Variants in METTL8 observed in about 807,000 individuals in gnomAD.
METTL8 encodes the protein methyltransferase 8, tRNA N3-cytidine, also known as tRNA N(3)-cytidine methyltransferase METTL8, mitochondrial.
Under a neutral mutation model 48.7 loss-of-function variants are expected in METTL8, and 32 were observed. The ratio of observed to expected loss-of-function variants is 0.66; its 90% CI spans 0.50 to 0.88. METTL8 has a LOEUF of 0.88. METTL8 is among the 40% of genes least tolerant of loss of function. METTL8 has a pLI of 0.00. For missense variants in METTL8, 464 were observed against 474.4 expected (o/e 0.98, Z 0.20); for synonymous variants, 136 against 157.1 (o/e 0.87, Z 1.01).
intron 1 of METTL8, among the ~76,000 whole-genome samples, chr2:171,394,614 A>G (rs1160667430): frequency 6.6e-6 from 1 of 152,240 alleles, no homozygotes. Context: ...AATTAACCAC[A>G]CAAACATCTT....
intron 2 of METTL8, among the ~76,000 whole-genome samples, chr2:171,379,696 A>G: frequency 6.6e-6 from 1 of 152,210 alleles, no homozygotes; most frequent in East Asian, 1.9e-4. Flanking sequence ...CCCAACACTC[A>G]ACCAGGAAGA....
intron 3 of METTL8, among the ~76,000 whole-genome samples, chr2:171,348,496 A>C (rs1157830189): frequency 6.6e-6 from 1 of 152,168 alleles, no homozygotes; most frequent in Non-Finnish European, 1.5e-5. Context: ...TCTAACGGTT[A>C]CACTGATGTT....
intron 1 of METTL8, among the ~76,000 whole-genome samples, chr2:171,413,692 A>C (rs1690983728): frequency 6.6e-6 from 1 of 152,228 alleles, no homozygotes; most frequent in Non-Finnish European, 1.5e-5. Context: ...ATAATTTTTT[A>C]GTGTCTAGAG....
chr2:171,431,530 T>A (rs1247597685), intron 1 of METTL8, among the ~76,000 whole-genome samples: 4 of 152,224 alleles, frequency 2.6e-5, no homozygotes, highest in Non-Finnish European at 5.9e-5. Context: ...AAATCCTGCA[T>A]CAAGAGCTGT....
intron 2 of METTL8, 77 bp from the exon 3 acceptor site, chr2:171,360,590 T>G: frequency 1.6e-6 from 2 of 1,240,628 alleles, no homozygotes; most frequent in South Asian, 2.6e-5. Context: ...GAACCACATC[T>G]TTCATTCTAG....
In METTL8 at chr2:171,366,123, C is replaced by T. The variant is rs151278407; in HGVS notation, c.144-5610G>A. Among the ~76,000 whole-genome samples, 110 of 152,050 alleles carry T rather than the reference C, an allele frequency of 7.2e-4. No individual in the cohort carries two copies. The East Asian group carries it at 0.018, about 25-fold the overall frequency. On this transcript the variant is annotated intron_variant, in intron 2 of 9. Transcript: ENST00000375258. ...CTAGCTGCTCATCTACAGGCAGAGT[C>T]GCCACAGGATCTAGTAGAAGAGAGA...
At chr2:171,324,981 T>TCAGCTACTTGGGAGGCTGTAATCC (rs201576956) in intron 9 of METTL8, among the ~76,000 whole-genome samples, 1 of 151,690 alleles carries the variant, frequency 6.6e-6, no homozygotes, top group African/African-American at 2.4e-5. Context: ...GTAGGTAATC[T>TCAGCTACTTGGGAGGCTGTAATCC]CAGCTACTTG....
intron 2 of METTL8, among the ~76,000 whole-genome samples, chr2:171,380,408 G>C (rs547932591): frequency 6.6e-6 from 1 of 152,276 alleles, no homozygotes; most frequent in Admixed American, 6.5e-5. Flanking sequence ...GGGCAATAAG[G>C]CTAGAGAAAG....
intron 3 of METTL8, among the ~76,000 whole-genome samples, chr2:171,347,240 CA>C (rs775545846): frequency 3.9e-5 from 6 of 152,212 alleles, no homozygotes; most frequent in Non-Finnish European, 7.3e-5. Context: ...ATAAGCAAAT[CA>C]AATGCTTCAA....
rs1684605987 is a variant in METTL8, at chr2:171,322,953, A to T, written c.*1219T>A. ...TGTAAACTATCATGGCACTGGTGGG[A>T]GTGTAGCAGTGAGGACAGCCAGAGG... On this transcript the variant is annotated 3_prime_UTR_variant, in exon 10 of 10. Transcript: ENST00000375258. The T allele has an allele frequency of 6.6e-6, 1 of 152,134 alleles. No individual in the cohort carries two copies. The highest frequency in any genetic ancestry group is 2.4e-5 in the African/African-American group (1 of 41,432). The allele number at this position is 152,134 out of a possible 1,614,324, so 9.4% of individuals were successfully genotyped here.
At chr2:171,434,477 T>G, upstream of METTL8, 3 of 1,514,974 alleles carry the variant, frequency 2.0e-6, no homozygotes, top group Non-Finnish European at 2.6e-6. Flanking sequence ...GCCGGGAAAG[T>G]CTGGGCCTCG....
chr2:171,434,128 C>A (rs950551231), upstream of METTL8: 5 of 343,964 alleles, frequency 1.5e-5, no homozygotes, highest in Admixed American at 1.9e-4. Flanking sequence ...CAAGACAGCG[C>A]AGCCTCCGCG....
In METTL8 at chr2:171,323,828, A is replaced by AT. The variant is rs1170805859; in HGVS notation, c.*343dup. The AT allele has an allele frequency of 4.0e-5, 7 of 176,846 alleles. No homozygotes were observed. The highest frequency in any genetic ancestry group is 1.5e-4 in the East Asian group (1 of 6,666). 11.0% of individuals were successfully genotyped at this position (176,846 alleles called of 1,614,324 possible). On this transcript the variant is annotated 3_prime_UTR_variant, in exon 10 of 10. Transcript: ENST00000375258. ...TTTACTAAGCCTAAACAAATAAACA[A>AT]TTTTTTTTACTTGCAAAAAATGTCA...
intron 1 of METTL8, among the ~76,000 whole-genome samples, chr2:171,411,094 T>C (rs188437789): frequency 3.9e-5 from 6 of 152,216 alleles, no homozygotes; most frequent in Admixed American, 1.3e-4. Context: ...GCCAGAAATA[T>C]ACAAGACCAA....
rs1216348503 is a variant in METTL8, at chr2:171,321,027, C to T, written c.*3145G>A. 6.6e-6 allele frequency: 1 copy of T among 152,218 alleles called. No individual in the cohort carries two copies. Among genetic ancestry groups the T allele is most frequent in the South Asian group, 2.1e-4 (1 of 4,826 alleles). The allele number at this position is 152,218 out of a possible 1,614,324, so 9.4% of individuals were successfully genotyped here. A position where few individuals can be genotyped will look rare whatever the true frequency, so the allele number is the denominator to read the frequency against. On this transcript the variant is annotated 3_prime_UTR_variant, in exon 10 of 10. Coordinates refer to ENST00000375258, the MANE Select transcript of METTL8 (RefSeq NM_001321154.2). ...CTCATCATTAATGTCCCACACCACACTTGTCTTCTCACCATCTGCTGAGAA... is the reference window on the plus strand; with the variant it reads ...CTCATCATTAATGTCCCACACCACATTTGTCTTCTCACCATCTGCTGAGAA...
At chr2:171,407,881 G>C (rs890821753) in intron 1 of METTL8, among the ~76,000 whole-genome samples, 1 of 152,208 alleles carries the variant, frequency 6.6e-6, no homozygotes, top group Non-Finnish European at 1.5e-5. Context: ...ACTGTAAAAA[G>C]ATTCTGCAGT....
intron 2 of METTL8, among the ~76,000 whole-genome samples, chr2:171,388,453 T>C (rs1462306134): frequency 6.6e-6 from 1 of 152,240 alleles, no homozygotes; most frequent in African/African-American, 2.4e-5. Flanking sequence ...AAGCCTTTCT[T>C]AAGGCAAACT....
rs530965167 is a variant in METTL8, at chr2:171,350,125, A to C, written c.235+10297T>G. Among the ~76,000 whole-genome samples, 45 of 152,138 alleles carry C rather than the reference A, an allele frequency of 3.0e-4. 1 individual carries two copies. Among genetic ancestry groups the C allele is most frequent in the Admixed American group, 2.5e-3 (38 of 15,274 alleles). On this transcript the variant is annotated intron_variant, in intron 3 of 9. Coordinates refer to ENST00000375258, the MANE Select transcript of METTL8 (RefSeq NM_001321154.2). ...TATCCCTCCCCACTCCCGCCACCCC[A>C]CAATAGGCCCCAGTGTGTGATGTTC...
chr2:171,367,834 T>C (rs1288076796), intron 2 of METTL8, among the ~76,000 whole-genome samples: 1 of 152,206 alleles, frequency 6.6e-6, no homozygotes, highest in East Asian at 1.9e-4. Flanking sequence ...CTAAGTAGAC[T>C]ATACTAAGTT....
Sources: gnomAD v4.1 joint callset for allele counts (sites outside exome capture counted in the v4.1 genomes callset) on GRCh38, gnomAD v4.1.1 for gene constraint, MANE v1.5 for transcripts, NCBI Gene and HGNC (gene_info 2026-07-23, HGNC 2026-07-21) for gene names.